The following KCND2 variants were observed in gnomAD, a reference collection of about 807,000 sequenced individuals.
KCND2 encodes the protein A-type voltage-gated potassium channel KCND2.
In KCND2, 16 loss-of-function variants were observed where a neutral mutation model predicts 54.4. The ratio of observed to expected loss-of-function variants is 0.29; its 90% CI spans 0.20 to 0.45. The LOEUF (loss-of-function observed/expected upper bound fraction) is 0.45, where lower values mean the gene tolerates loss of function less well. Among genes scored for constraint, KCND2 ranks in the 20% least tolerant of loss-of-function variants. The probability of loss-of-function intolerance (pLI) is 1.00; values close to 1 mark genes in which losing one functional copy is unlikely to be tolerated. For synonymous variants in KCND2, 317 were observed against 310.7 expected (o/e 1.02, Z -0.21); for missense variants, 486 against 824.2 (o/e 0.59, Z 5.02).
At chr7:120,437,857 G>A (rs928362956) in intron 1 of KCND2, among the ~76,000 whole-genome samples, 5 of 152,186 alleles carry the variant, frequency 3.3e-5, no homozygotes, top group African/African-American at 1.2e-4. Context: ...AAAGAAATGT[G>A]ATCTGCCTTT....
Position 120,274,509 on chromosome 7 carries a change from T to A in KCND2, c.-124T>A. 9.3e-7 allele frequency: 1 copy of A among 1,075,604 alleles called. No homozygotes were observed. Among genetic ancestry groups the A allele is most frequent in the African/African-American group, 1.6e-5 (1 of 64,080 alleles). The allele number at this position is 1,075,604 out of a possible 1,614,324, so 66.6% of individuals were successfully genotyped here. On this transcript the variant is annotated 5_prime_UTR_variant, in exon 1 of 6. Coordinates refer to ENST00000331113, the MANE Select transcript of KCND2 (RefSeq NM_012281.3). Reference sequence around the variant, plus strand: ...AGGAGCCCTATCTTGGAATAAGAGTTACACCTCTGGACCACGTTTCTCACT... The same window carrying A: ...AGGAGCCCTATCTTGGAATAAGAGTAACACCTCTGGACCACGTTTCTCACT...
At chr7:120,428,497 A>G (rs1302164579) in intron 1 of KCND2, among the ~76,000 whole-genome samples, 2 of 152,244 alleles carry the variant, frequency 1.3e-5, no homozygotes, top group African/African-American at 2.4e-5. Context: ...TCTGAAAGAA[A>G]GATCATATTT....
chr7:120,707,898 C>A (rs1792489742), intron 1 of KCND2, among the ~76,000 whole-genome samples: 1 of 152,084 alleles, frequency 6.6e-6, no homozygotes, highest in South Asian at 2.1e-4. Context: ...TCTCCATTTG[C>A]TAGCCTTTCC....
At chr7:120,408,210 TATC>T (rs1384767588) in intron 1 of KCND2, among the ~76,000 whole-genome samples, 3 of 151,874 alleles carry the variant, frequency 2.0e-5, no homozygotes, top group African/African-American at 7.2e-5. Flanking sequence ...AAATGAAAAA[TATC>T]ATCACTAATC....
chr7:120,455,350 T>A (rs117724177), intron 1 of KCND2, among the ~76,000 whole-genome samples: 1,808 of 152,184 alleles, frequency 0.012, 16 homozygotes, highest in Middle Eastern at 0.031. Flanking sequence ...CATAGATTAA[T>A]GGAACAGAAT....
chr7:120,510,599 G>A (rs559537842), intron 1 of KCND2, among the ~76,000 whole-genome samples: 1 of 152,130 alleles, frequency 6.6e-6, no homozygotes, highest in East Asian at 1.9e-4. Context: ...CTTAGGAGGA[G>A]GGTGATTTGA....
chr7:120,675,620 T>C (rs905618942), intron 1 of KCND2, among the ~76,000 whole-genome samples: 1 of 152,162 alleles, frequency 6.6e-6, no homozygotes, highest in Admixed American at 6.5e-5. Flanking sequence ...GAATGAGTTA[T>C]AGAGAGACTT....
At chr7:120,684,501 A>G (rs1049335218) in intron 1 of KCND2, among the ~76,000 whole-genome samples, 14 of 152,176 alleles carry the variant, frequency 9.2e-5, no homozygotes, top group African/African-American at 2.9e-4. Context: ...ATATTGTAAT[A>G]CAAGCAACTT....
chr7:120,601,773 T>C (rs1792816456), intron 1 of KCND2, among the ~76,000 whole-genome samples: 2 of 152,164 alleles, frequency 1.3e-5, no homozygotes, highest in South Asian at 4.1e-4. Context: ...CACAAAAATT[T>C]GAAATTTAGT....
intron 1 of KCND2, among the ~76,000 whole-genome samples, chr7:120,584,389 C>T (rs1051293499): frequency 6.6e-6 from 1 of 152,192 alleles, no homozygotes; most frequent in Middle Eastern, 3.2e-3. Context: ...GCTATCCCTG[C>T]TGTTATTTCT....
At chr7:120,522,634 G>A (rs1333113572) in intron 1 of KCND2, among the ~76,000 whole-genome samples, 1 of 152,166 alleles carries the variant, frequency 6.6e-6, no homozygotes, top group Non-Finnish European at 1.5e-5. Context: ...TTCAGCAAAA[G>A]TTATAATAAC....
chr7:120,541,839 T>C (rs567525631), intron 1 of KCND2, among the ~76,000 whole-genome samples: 2 of 152,316 alleles, frequency 1.3e-5, no homozygotes, highest in East Asian at 1.9e-4. Context: ...AATAATAAAT[T>C]TGTAGACACC....
intron 1 of KCND2, among the ~76,000 whole-genome samples, chr7:120,725,559 T>C (rs544822211): frequency 2.0e-5 from 3 of 152,360 alleles, no homozygotes; most frequent in Admixed American, 2.0e-4. Flanking sequence ...GAAATACTTT[T>C]CTCGCTCTCA....
At chr7:120,343,116 A>T (rs1314710259) in intron 1 of KCND2, among the ~76,000 whole-genome samples, 1 of 152,138 alleles carries the variant, frequency 6.6e-6, no homozygotes, top group African/African-American at 2.4e-5. Context: ...AAGGTTTCAG[A>T]GTTATGTCTC....
chr7:120,588,695 A>G (rs145415858), intron 1 of KCND2, among the ~76,000 whole-genome samples: 94 of 152,298 alleles, frequency 6.2e-4, no homozygotes, highest in African/African-American at 2.2e-3. Flanking sequence ...TCAGTCACCA[A>G]TTACAATGAA....
intron 1 of KCND2, among the ~76,000 whole-genome samples, chr7:120,698,162 G>A (rs1048678219): frequency 6.6e-6 from 1 of 150,694 alleles, no homozygotes; most frequent in African/African-American, 2.4e-5. Context: ...TTATAGGCAT[G>A]TACTACCATG....
chr7:120,551,566 A>T (rs921149319), intron 1 of KCND2, among the ~76,000 whole-genome samples: 1 of 152,182 alleles, frequency 6.6e-6, no homozygotes, highest in African/African-American at 2.4e-5. Flanking sequence ...GCAGAGAAAG[A>T]TATACTATTG....
intron 1 of KCND2, among the ~76,000 whole-genome samples, chr7:120,490,510 T>C (rs1463288402): frequency 6.6e-6 from 1 of 152,152 alleles, no homozygotes; most frequent in East Asian, 1.9e-4. Flanking sequence ...TCTTACATAT[T>C]TTACTATATG....
chr7:120,473,407 A>G (rs1384686712), intron 1 of KCND2, among the ~76,000 whole-genome samples: 1 of 152,162 alleles, frequency 6.6e-6, no homozygotes, highest in Non-Finnish European at 1.5e-5. Flanking sequence ...CAGACTCTAC[A>G]CTGTCTCTGA....
Sources: allele counts gnomAD v4.1 joint callset (sites outside exome capture counted in the v4.1 genomes callset), GRCh38; gene constraint gnomAD v4.1.1; transcripts MANE v1.5; gene names NCBI Gene and HGNC (gene_info 2026-07-23, HGNC 2026-07-21).